The following ZFYVE28 variants were observed in gnomAD, a reference collection of about 807,000 sequenced individuals.
ZFYVE28 encodes the protein lateral signaling target protein 2 homolog.
In ZFYVE28, 40 loss-of-function variants were observed where a neutral mutation model predicts 82.1. The observed-to-expected ratio is 0.49, with a 90% confidence interval of 0.38 to 0.63. The LOEUF (loss-of-function observed/expected upper bound fraction) is 0.63, where lower values mean the gene tolerates loss of function less well. Ranked by LOEUF, ZFYVE28 falls within the 30% of genes least tolerant of loss-of-function variation. The pLI is 0.00. For synonymous variants in ZFYVE28, 612 were observed against 546.1 expected (o/e 1.12, Z -1.68); for missense variants, 1,321 against 1,242.1 (o/e 1.06, Z -0.96).
intron 6 of ZFYVE28, among the ~76,000 whole-genome samples, chr4:2,334,359 A>C (rs1413433372): frequency 6.6e-6 from 1 of 151,304 alleles, no homozygotes; most frequent in Non-Finnish European, 1.5e-5. Flanking sequence ...ATTGCTCCCC[A>C]CTCCAACAAG....
chr4:2,359,713 G>C (rs559887579), intron 1 of ZFYVE28, among the ~76,000 whole-genome samples: 2 of 152,242 alleles, frequency 1.3e-5, no homozygotes, highest in East Asian at 3.9e-4. Context: ...CCTTTGTTGC[G>C]GCCGCCTGAC....
chr4:2,404,205 C>T (rs1366378188), intron 1 of ZFYVE28, among the ~76,000 whole-genome samples: 2 of 150,662 alleles, frequency 1.3e-5, no homozygotes, highest in African/African-American at 2.4e-5. Context: ...GCCTGTAGTC[C>T]CAGCTACTCA....
chr4:2,273,502 G>T (rs1736104478), intron 9 of ZFYVE28, among the ~76,000 whole-genome samples: 2 of 152,166 alleles, frequency 1.3e-5, no homozygotes, highest in Non-Finnish European at 2.9e-5. Context: ...GGGGAAGGGA[G>T]ACGACCAGAC....
intron 8 of ZFYVE28, among the ~76,000 whole-genome samples, chr4:2,281,642 G>T (rs1711987936): frequency 6.6e-6 from 1 of 152,144 alleles, no homozygotes; most frequent in African/African-American, 2.4e-5. Context: ...CCTCTTTAAG[G>T]TCCCCCCTCT....
chr4:2,305,599 G>A (rs1390597278), intron 7 of ZFYVE28, 63 bp from the exon 8 acceptor site: 8 of 1,596,988 alleles, frequency 5.0e-6, no homozygotes, highest in Admixed American at 1.7e-5. Context: ...TCCTTGGCCA[G>A]GAGTGGACGC....
intron 6 of ZFYVE28, chr4:2,328,939 G>A: frequency 2.1e-6 from 1 of 486,700 alleles, no homozygotes; most frequent in Non-Finnish European, 3.7e-6. Context: ...CACCATAGAT[G>A]TTTGGGTTTA....
intron 1 of ZFYVE28, among the ~76,000 whole-genome samples, chr4:2,395,762 G>A (rs189371403): frequency 2.4e-4 from 36 of 152,322 alleles, no homozygotes; most frequent in South Asian, 6.2e-4. Flanking sequence ...GCCTTTGACC[G>A]CGGTGCTACC....
At chr4:2,360,426 C>CACACACAG (rs1491460973) in intron 1 of ZFYVE28, among the ~76,000 whole-genome samples, 4 of 151,018 alleles carry the variant, frequency 2.6e-5, no homozygotes, top group Non-Finnish European at 5.9e-5. Flanking sequence ...CACACACACA[C>CACACACAG]AGGCACGCAC....
At chr4:2,368,772 G>A (rs966116517) in intron 1 of ZFYVE28, among the ~76,000 whole-genome samples, 2 of 152,210 alleles carry the variant, frequency 1.3e-5, no homozygotes, top group Non-Finnish European at 2.9e-5. Context: ...GAATAGTGCT[G>A]CTATAAGCAA....
intron 1 of ZFYVE28, among the ~76,000 whole-genome samples, chr4:2,381,545 T>C (rs1237473132): frequency 6.6e-6 from 1 of 152,168 alleles, no homozygotes; most frequent in Non-Finnish European, 1.5e-5. Flanking sequence ...TAGCTGGGAC[T>C]ACAGGCACGC....
At chr4:2,331,000 G>A (rs900950819) in intron 6 of ZFYVE28, 25 of 1,534,222 alleles carry the variant, frequency 1.6e-5, no homozygotes, top group East Asian at 2.4e-5. Flanking sequence ...TGCAGGCCAC[G>A]TGGGCGGTGG....
At chr4:2,313,396 G>A (rs1363111379) in intron 7 of ZFYVE28, among the ~76,000 whole-genome samples, 1 of 152,038 alleles carries the variant, frequency 6.6e-6, no homozygotes, top group Non-Finnish European at 1.5e-5. Context: ...AAGTAGCTGG[G>A]ACCACAGATA....
At chr4:2,407,076 G>A (rs1404420256) in intron 1 of ZFYVE28, among the ~76,000 whole-genome samples, 1 of 151,558 alleles carries the variant, frequency 6.6e-6, no homozygotes, top group Non-Finnish European at 1.5e-5. Flanking sequence ...CGCTCCCCAA[G>A]GTGACTGCTG....
chr4:2,373,450 G>C (rs915245357), intron 1 of ZFYVE28, among the ~76,000 whole-genome samples: 1 of 152,076 alleles, frequency 6.6e-6, no homozygotes, highest in African/African-American at 2.4e-5. Context: ...ATTGAGCCAT[G>C]ATCACGCCAC....
chr4:2,414,315 C>G (rs1400758099), intron 1 of ZFYVE28, among the ~76,000 whole-genome samples: 1 of 152,274 alleles, frequency 6.6e-6, no homozygotes, highest in Non-Finnish European at 1.5e-5. Flanking sequence ...CAGACTTTAC[C>G]AAACCCAAAG....
chr4:2,279,394 G>A (rs1238304297), intron 8 of ZFYVE28, among the ~76,000 whole-genome samples: 1 of 152,152 alleles, frequency 6.6e-6, no homozygotes, highest in Non-Finnish European at 1.5e-5. Flanking sequence ...TCGTGCCATT[G>A]CACTCTAGCC....
intron 8 of ZFYVE28, chr4:2,286,600 T>C (rs1712782829): frequency 6.6e-6 from 1 of 152,206 alleles, no homozygotes; most frequent in Non-Finnish European, 1.5e-5. Flanking sequence ...GCAGGACCCT[T>C]ACTCGGCATT....
chr4:2,389,544 A>T (rs551816907), intron 1 of ZFYVE28, among the ~76,000 whole-genome samples: 16 of 152,334 alleles, frequency 1.1e-4, no homozygotes, highest in Admixed American at 3.9e-4. Context: ...ATGTAAGGCC[A>T]GGCGGCTTCT....
intron 5 of ZFYVE28, among the ~76,000 whole-genome samples, chr4:2,336,243 C>T (rs760399374): frequency 7.9e-5 from 12 of 152,332 alleles, no homozygotes; most frequent in East Asian, 1.9e-4. Flanking sequence ...CTTTCTCCTC[C>T]CCGGGGCTTG....
Sources: gnomAD v4.1 joint callset for allele counts (sites outside exome capture counted in the v4.1 genomes callset) on GRCh38, gnomAD v4.1.1 for gene constraint, MANE v1.5 for transcripts, NCBI Gene and HGNC (gene_info 2026-07-23, HGNC 2026-07-21) for gene names.